PXDNL: variants seen among roughly 807,000 people sequenced by gnomAD.
PXDNL encodes the protein probable oxidoreductase PXDNL.
A neutral mutation model predicts 150.8 loss-of-function variants in PXDNL; 145 were observed. The ratio of observed to expected loss-of-function variants is 0.96; its 90% CI spans 0.84 to 1.10. The LOEUF is 1.10. PXDNL is among the 50% of genes least tolerant of loss of function. PXDNL has a pLI of 0.00. For missense variants in PXDNL, 2,087 were observed against 1,873.9 expected (o/e 1.11, Z -2.10); for synonymous variants, 757 against 725.7 (o/e 1.04, Z -0.69).
intron 17 of PXDNL, among the ~76,000 whole-genome samples, chr8:51,402,027 G>A (rs1054944561): frequency 2.0e-5 from 3 of 152,120 alleles, no homozygotes; most frequent in Admixed American, 6.6e-5. Flanking sequence ...CAACCTTTTC[G>A]GGCAAAGGAA....
At chr8:51,788,346 G>T (rs1011829267) in intron 1 of PXDNL, among the ~76,000 whole-genome samples, 1 of 152,192 alleles carries the variant, frequency 6.6e-6, no homozygotes, top group Non-Finnish European at 1.5e-5. Context: ...AACGGGGCAA[G>T]GATGAATTCT....
intron 2 of PXDNL, among the ~76,000 whole-genome samples, chr8:51,651,938 T>C (rs1815049222): frequency 6.6e-6 from 1 of 152,176 alleles, no homozygotes; most frequent in Non-Finnish European, 1.5e-5. Flanking sequence ...GCTCTTAGGC[T>C]CCAGCAATAC....
At chr8:51,738,062 C>G (rs1817074852) in intron 1 of PXDNL, among the ~76,000 whole-genome samples, 1 of 152,190 alleles carries the variant, frequency 6.6e-6, no homozygotes, top group Admixed American at 6.5e-5. Context: ...GAGTATTGGA[C>G]AGACACACCA....
chr8:51,725,304 A>G (rs553945964), intron 1 of PXDNL, among the ~76,000 whole-genome samples: 14 of 152,320 alleles, frequency 9.2e-5, no homozygotes, highest in African/African-American at 3.4e-4. Context: ...GTGGGTGGGC[A>G]TGTCGGTGTT....
intron 12 of PXDNL, among the ~76,000 whole-genome samples, chr8:51,431,102 C>G (rs1460290391): frequency 6.6e-6 from 1 of 152,134 alleles, no homozygotes; most frequent in Non-Finnish European, 1.5e-5. Flanking sequence ...CTTACCTCCC[C>G]TCCTATCCTC....
intron 13 of PXDNL, among the ~76,000 whole-genome samples, chr8:51,424,480 T>G (rs763298479): frequency 6.6e-6 from 1 of 152,074 alleles, no homozygotes; most frequent in Non-Finnish European, 1.5e-5. Context: ...TATTTCTACC[T>G]TGTATGTACT....
chr8:51,542,250 T>C (rs1366073671), intron 4 of PXDNL, among the ~76,000 whole-genome samples: 2 of 152,066 alleles, frequency 1.3e-5, no homozygotes, highest in East Asian at 3.9e-4. Context: ...GAACACAACC[T>C]CAGACAAGGT....
intron 12 of PXDNL, among the ~76,000 whole-genome samples, chr8:51,437,721 C>T (rs907947500): frequency 2.6e-5 from 4 of 152,164 alleles, no homozygotes; most frequent in Non-Finnish European, 5.9e-5. Flanking sequence ...GATAAACCCA[C>T]AACCAACATA....
chr8:51,554,696 A>C lies in PXDNL; in HGVS notation c.380+2144T>G, dbSNP rs75220133. Among the ~76,000 whole-genome samples the C allele has an allele frequency of 3.3e-5, 5 of 152,210 alleles. No homozygotes were observed. In the East Asian group the frequency reaches 9.7e-4, roughly 29 times the overall value. ...GGTGTGGACACAATTCAGCCAAGTT[A>C]TTTGCCACGTTAGAAAATAATGGCC... On this transcript the variant is annotated intron_variant, in intron 4 of 22. Coordinates refer to ENST00000356297, the MANE Select transcript of PXDNL (RefSeq NM_144651.5).
intron 2 of PXDNL, among the ~76,000 whole-genome samples, chr8:51,599,638 A>G (rs560119781): frequency 6.8e-6 from 1 of 146,170 alleles, no homozygotes; most frequent in South Asian, 2.1e-4. Flanking sequence ...TATATAAATG[A>G]TATCATTTAT....
At chr8:51,630,044 A>G (rs1160256400) in intron 2 of PXDNL, among the ~76,000 whole-genome samples, 1 of 152,214 alleles carries the variant, frequency 6.6e-6, no homozygotes, top group Non-Finnish European at 1.5e-5. Context: ...ACTATAATAC[A>G]AGGCTATAGT....
intron 1 of PXDNL, among the ~76,000 whole-genome samples, chr8:51,780,356 A>G (rs1224037747): frequency 6.6e-6 from 1 of 152,184 alleles, no homozygotes; most frequent in Non-Finnish European, 1.5e-5. Flanking sequence ...GAAATAATAT[A>G]TATTTTCTCA....
intron 1 of PXDNL, among the ~76,000 whole-genome samples, chr8:51,792,831 C>G (rs1417571765): frequency 6.6e-6 from 1 of 152,230 alleles, no homozygotes; most frequent in African/African-American, 2.4e-5. Flanking sequence ...GCACTCTGAT[C>G]TTCCTGGGAC....
At chr8:51,452,955 C>CACACACACACACACACACAT (rs1394344171) in intron 10 of PXDNL, among the ~76,000 whole-genome samples, 1 of 152,000 alleles carries the variant, frequency 6.6e-6, no homozygotes, top group East Asian at 1.9e-4. Context: ...CACACACACA[C>CACACACACACACACACACAT]ATGCACGCAC....
At chr8:51,428,080 G>A (rs1036638751) in intron 12 of PXDNL, among the ~76,000 whole-genome samples, 11 of 152,046 alleles carry the variant, frequency 7.2e-5, no homozygotes, top group Admixed American at 2.6e-4. Flanking sequence ...TGCAATCAAC[G>A]AACATATGGA....
intron 1 of PXDNL, among the ~76,000 whole-genome samples, chr8:51,796,002 T>G (rs2037556510): frequency 6.6e-6 from 1 of 152,226 alleles, no homozygotes; most frequent in African/African-American, 2.4e-5. Context: ...CCCACATTCC[T>G]TTGTACTCAC....
intron 1 of PXDNL, among the ~76,000 whole-genome samples, chr8:51,721,097 C>T (rs2130916197): frequency 6.6e-6 from 1 of 152,332 alleles, no homozygotes; most frequent in East Asian, 1.9e-4. Flanking sequence ...CCCCAAGACT[C>T]AGAGCTTTGG....
intron 1 of PXDNL, among the ~76,000 whole-genome samples, chr8:51,682,253 T>G (rs1377460830): frequency 6.6e-6 from 1 of 152,240 alleles, no homozygotes; most frequent in African/African-American, 2.4e-5. Context: ...GAATTTTTAT[T>G]TGAAAGGACT....
chr8:51,553,256 T>C (rs1380967065), intron 4 of PXDNL, among the ~76,000 whole-genome samples: 2 of 152,092 alleles, frequency 1.3e-5, no homozygotes, highest in Non-Finnish European at 2.9e-5. Flanking sequence ...CAGGCTGACA[T>C]TGCACACTGG....
Sources: gnomAD v4.1 joint callset for allele counts (sites outside exome capture counted in the v4.1 genomes callset) on GRCh38, gnomAD v4.1.1 for gene constraint, MANE v1.5 for transcripts, NCBI Gene and HGNC (gene_info 2026-07-23, HGNC 2026-07-21) for gene names.